MED27: variants seen among roughly 807,000 people sequenced by gnomAD.
MED27 encodes mediator complex subunit 27, also known as mediator of RNA polymerase II transcription subunit 27.
Under a neutral mutation model 38.2 loss-of-function variants are expected in MED27, and 30 were observed. The observed-to-expected ratio is 0.79, with a 90% CI of 0.59 to 1.07. The LOEUF (loss-of-function observed/expected upper bound fraction) is 1.07, where lower values mean the gene tolerates loss of function less well. Ranked by LOEUF, MED27 falls within the 50% of genes least tolerant of loss-of-function variation. MED27 has a pLI of 0.00. For missense variants in MED27, 289 were observed against 397.5 expected, an observed-to-expected ratio of 0.73 and a Z score of 2.32; for synonymous variants, 122 against 153.5, an observed-to-expected ratio of 0.79 and a Z score of 1.52.
chr9:131,906,291 C>T (rs962253410), intron 4 of MED27, among the ~76,000 whole-genome samples: 1 of 152,124 alleles, frequency 6.6e-6, no homozygotes, highest in African/African-American at 2.4e-5. Context: ...ATATTTGGTC[C>T]GTATGGGGCT....
intron 4 of MED27, among the ~76,000 whole-genome samples, chr9:131,896,808 T>C (rs1179683856): frequency 1.3e-5 from 2 of 152,228 alleles, no homozygotes; most frequent in Admixed American, 1.3e-4. Flanking sequence ...CTCGGCTCAC[T>C]GTAAACTCCG....
chr9:132,014,608 G>C (rs1290964431), intron 2 of MED27, 141 bp from the exon 3 acceptor site: 3 of 821,856 alleles, frequency 3.7e-6, no homozygotes, highest in Non-Finnish European at 5.4e-6. Flanking sequence ...CTCACATTCT[G>C]CTTCAAGGAA....
chr9:132,043,959 G>A (rs535282507), intron 2 of MED27, among the ~76,000 whole-genome samples: 6 of 152,150 alleles, frequency 3.9e-5, no homozygotes, highest in East Asian at 1.9e-4. Context: ...CTCATACACC[G>A]TAGTCAACTG....
intron 5 of MED27, among the ~76,000 whole-genome samples, chr9:131,886,886 G>C (rs1282095138): frequency 2.0e-5 from 3 of 152,180 alleles, no homozygotes; most frequent in Non-Finnish European, 4.4e-5. Flanking sequence ...GCATCGTTTA[G>C]TTGTACCAAA....
At chr9:132,060,198 T>G (rs1244952433) in intron 2 of MED27, among the ~76,000 whole-genome samples, 1 of 152,066 alleles carries the variant, frequency 6.6e-6, no homozygotes, top group Admixed American at 6.5e-5. Context: ...TGCGTAGAGA[T>G]TAATGGGAGA....
At chr9:131,887,438 A>G (rs935481744) in intron 5 of MED27, among the ~76,000 whole-genome samples, 1 of 152,190 alleles carries the variant, frequency 6.6e-6, no homozygotes, top group Non-Finnish European at 1.5e-5. Flanking sequence ...CCCCTTAACC[A>G]TAGGGCCCTC....
At chr9:131,967,841 C>T (rs1321153224) in intron 3 of MED27, among the ~76,000 whole-genome samples, 50 of 124,590 alleles carry the variant, frequency 4.0e-4, no homozygotes, top group African/African-American at 1.3e-3. Flanking sequence ...TTTTTTGAGA[C>T]GGAGTCTCGC....
In MED27 at chr9:131,862,483, G is replaced by A. The variant is rs1838668184; in HGVS notation, c.801+580C>T. 6.6e-6 allele frequency among the ~76,000 whole-genome samples: 1 copy of A among 152,144 alleles called. No homozygotes were observed. The highest frequency in any genetic ancestry group is 2.4e-5 in the African/African-American group (1 of 41,430). ...ATAAATGCTGATAAACTGGCCCTGG[G>A]GTTCGGGGGAAGTCCTGACTTGCAG... On this transcript the variant is annotated intron_variant, in intron 7 of 7. Transcript: ENST00000292035. This position sits in a 1 kb window ranked among gnomAD's most constrained non-coding sequence, Gnocchi z 4.6.
chr9:132,022,291 C>T (rs1206111560), intron 2 of MED27, among the ~76,000 whole-genome samples: 1 of 152,218 alleles, frequency 6.6e-6, no homozygotes, highest in African/African-American at 2.4e-5. Flanking sequence ...GCATATTATA[C>T]TTCTGGACTC....
At chr9:131,960,012 C>T (rs958273146) in intron 3 of MED27, among the ~76,000 whole-genome samples, 1 of 152,130 alleles carries the variant, frequency 6.6e-6, no homozygotes, top group Non-Finnish European at 1.5e-5. Flanking sequence ...TTTACAGGAA[C>T]ACTACAGTTC....
At chr9:132,006,755 T>A (rs747137142) in intron 3 of MED27, among the ~76,000 whole-genome samples, 39 of 152,314 alleles carry the variant, frequency 2.6e-4, no homozygotes, top group East Asian at 3.9e-4. Flanking sequence ...ATGAGCTTCA[T>A]CCTGGCAAGT....
At chr9:132,019,330 C>T (rs1832670775) in intron 2 of MED27, among the ~76,000 whole-genome samples, 2 of 152,216 alleles carry the variant, frequency 1.3e-5, no homozygotes, top group Admixed American at 6.5e-5. Flanking sequence ...CTTGGCTTGG[C>T]ACTGCAACCA....
intron 6 of MED27, among the ~76,000 whole-genome samples, chr9:131,878,098 A>T (rs915841088): frequency 6.6e-6 from 1 of 152,000 alleles, no homozygotes; most frequent in African/African-American, 2.4e-5. Context: ...AACACGGTGA[A>T]ACCCCGTCTC....
rs953769913 is a variant in MED27 at position 132,003,849 on chromosome 9, A to G, written c.479+10488T>C. ...GGGTACCTCAAACTTGACATGCTTC[A>G]AATGAAACCCATTAATTTTCTGTTT... On this transcript the variant is annotated intron_variant, in intron 3 of 7. Coordinates refer to ENST00000292035, the MANE Select transcript of MED27 (RefSeq NM_004269.4). The surrounding 1 kb of genome is among the most constrained non-coding windows in gnomAD (Gnocchi z 4.2). 6.6e-6 allele frequency among the ~76,000 whole-genome samples: 1 copy of G among 152,194 alleles called. No individual in the cohort carries two copies. The highest frequency in any genetic ancestry group is 1.5e-5 in the Non-Finnish European group (1 of 68,036).
chr9:132,000,582 C>G (rs1360877207), intron 3 of MED27, among the ~76,000 whole-genome samples: 2 of 151,948 alleles, frequency 1.3e-5, no homozygotes, highest in Non-Finnish European at 2.9e-5. Flanking sequence ...TATTAATAGC[C>G]AAAACAACCC....
rs1051173567 is a variant in MED27 at position 131,889,926 on chromosome 9, C to T, written c.681+3959G>A. Among the ~76,000 whole-genome samples the T allele has an allele frequency of 6.6e-6, 1 of 152,310 alleles. No homozygotes were observed. Among genetic ancestry groups the T allele is most frequent in the Admixed American group, 6.5e-5 (1 of 15,308 alleles). On this transcript the variant is annotated intron_variant, in intron 5 of 7. Coordinates refer to ENST00000292035, the MANE Select transcript of MED27 (RefSeq NM_004269.4). The surrounding 1 kb of genome is among the most constrained non-coding windows in gnomAD (Gnocchi z 4.2). ...GCCACCTAGGCACCAACTCAGCAAA[C>T]GCAGGCTGCGTCCCGGGAGCAGCGA...
intron 2 of MED27, among the ~76,000 whole-genome samples, chr9:132,053,110 G>A (rs985376714): frequency 6.6e-6 from 1 of 152,184 alleles, no homozygotes. Context: ...AAAATTAGCC[G>A]GGCGTGGTTG....
chr9:132,078,024 T>C (rs1226442353), intron 1 of MED27, among the ~76,000 whole-genome samples: 26 of 152,176 alleles, frequency 1.7e-4, no homozygotes, highest in Admixed American at 1.6e-3. Flanking sequence ...ATCATTCACA[T>C]AGGGATAGAT....
intron 4 of MED27, among the ~76,000 whole-genome samples, chr9:131,894,489 G>A (rs74311513): frequency 0.025 from 3,805 of 152,224 alleles, 65 homozygotes; most frequent in Middle Eastern, 0.054. Context: ...ACTGGTAAAA[G>A]TGGAAAAGCA....
Sources: allele counts gnomAD v4.1 joint callset (sites outside exome capture counted in the v4.1 genomes callset), GRCh38; gene constraint gnomAD v4.1.1; non-coding constraint Gnocchi (gnomAD v3.1); transcripts MANE v1.5; gene names NCBI Gene and HGNC (gene_info 2026-07-23, HGNC 2026-07-21).